CLIC4: variants seen among roughly 807,000 people sequenced by gnomAD.
CLIC4 encodes the protein chloride intracellular channel protein 4.
Under a neutral mutation model 24.6 loss-of-function variants are expected in CLIC4, and 13 were observed. The ratio of observed to expected loss-of-function variants is 0.53; its 90% CI spans 0.34 to 0.84. The LOEUF (loss-of-function observed/expected upper bound fraction) is 0.84, where lower values mean the gene tolerates loss of function less well. CLIC4 is among the 40% of genes least tolerant of loss of function. The pLI is 0.01. For missense variants in CLIC4, 227 were observed against 301.7 expected (o/e 0.75, Z 1.83); for synonymous variants, 104 against 111.3 (o/e 0.93, Z 0.41).
chr1:24,772,846 G>A (rs1639087507), intron 1 of CLIC4, among the ~76,000 whole-genome samples: 1 of 152,066 alleles, frequency 6.6e-6, no homozygotes, highest in South Asian at 2.1e-4. Context: ...AACAAATGAG[G>A]AAGATTCATT....
intron 1 of CLIC4, among the ~76,000 whole-genome samples, chr1:24,774,861 A>G (rs1027378213): frequency 2.0e-5 from 3 of 152,202 alleles, no homozygotes; most frequent in African/African-American, 7.2e-5. Context: ...ACCTGAGGTC[A>G]GGAATTCAAG....
chr1:24,827,251 G>A (rs938636901), intron 4 of CLIC4, 135 bp downstream of exon 4: 4 of 586,666 alleles, frequency 6.8e-6, no homozygotes, highest in African/African-American at 1.9e-5. Flanking sequence ...GTCTTTCAGA[G>A]TTGGTCAGAA....
intron 3 of CLIC4, among the ~76,000 whole-genome samples, chr1:24,826,247 G>A (rs1639786065): frequency 6.6e-6 from 1 of 152,172 alleles, no homozygotes; most frequent in Admixed American, 6.5e-5. Context: ...TTTTGTTGTT[G>A]TTCGGTGCTA....
chr1:24,797,924 A>G, intron 2 of CLIC4, 73 bp downstream of exon 2: 1 of 975,246 alleles, frequency 1.0e-6, no homozygotes, highest in Non-Finnish European at 1.6e-6. Context: ...TTTCACCTTG[A>G]TGGCACATAT....
intron 1 of CLIC4, among the ~76,000 whole-genome samples, chr1:24,760,266 T>C (rs1220917339): frequency 6.6e-6 from 1 of 151,880 alleles, no homozygotes; most frequent in Non-Finnish European, 1.5e-5. Context: ...CTTGGGAGGC[T>C]GAGGCAGGAG....
Position 24,814,216 on chromosome 1 carries a change from C to G in CLIC4, c.305C>G (p.Pro102Arg). The change falls in exon 3 of 6, where the codon CCC becomes CGC. Residue 102 changes from proline to arginine, a missense_variant. Coordinates refer to ENST00000374379, the MANE Select transcript of CLIC4 (RefSeq NM_013943.3). ...TTTCTTGAAGAAGTCTTATGCCCTC[C>G]CAAGTGAGTATCAAGGAAAATACGT... ...EEFLEEVLCP[P>R]KYLKLSPKHP... 1 of 1,610,722 alleles carries G rather than the reference C, an allele frequency of 6.2e-7. No homozygotes were observed. The highest frequency in any genetic ancestry group is 8.5e-7 in the Non-Finnish European group (1 of 1,179,074).
chr1:24,814,871 T>A (rs553930649), intron 3 of CLIC4, among the ~76,000 whole-genome samples: 1 of 152,368 alleles, frequency 6.6e-6, no homozygotes, highest in South Asian at 2.1e-4. Context: ...TCCTGAAAAT[T>A]GACATGTTTT....
rs941276693 is a variant in CLIC4, at chr1:24,767,855, T to A, written c.72+22230T>A. 6.3e-4 allele frequency among the ~76,000 whole-genome samples: 96 copies of A among 151,378 alleles called. 1 individual carries two copies. The highest frequency in any genetic ancestry group is 3.4e-3 in the Middle Eastern group (1 of 294). ...TAATTAAAATTATATATATATATAT[T>A]TTTTTTGGCATGGAGTTCCGCTCTG... On this transcript the variant is annotated intron_variant, in intron 1 of 5. Transcript: ENST00000374379.
intron 1 of CLIC4, among the ~76,000 whole-genome samples, chr1:24,796,091 A>G (rs763855130): frequency 2.6e-5 from 4 of 152,252 alleles, no homozygotes; most frequent in Non-Finnish European, 5.9e-5. Context: ...ATATGTGGCT[A>G]TTTAAATTAT....
intron 1 of CLIC4, among the ~76,000 whole-genome samples, chr1:24,767,024 T>TAAAAAAAAAAAAAAAAAAAAAAAAGAA (rs1639008651): frequency 1.4e-5 from 1 of 71,124 alleles, no homozygotes; most frequent in African/African-American, 7.1e-5. Flanking sequence ...GCTGATGAGC[T>TAAAAAAAAAAAAAAAAAAAAAAAAGAA]AAAAAAAAAA....
intron 4 of CLIC4, among the ~76,000 whole-genome samples, chr1:24,839,538 A>G (rs2124179161): frequency 6.6e-6 from 1 of 152,280 alleles, no homozygotes; most frequent in East Asian, 1.9e-4. Flanking sequence ...TGACCTCGTG[A>G]TCTGCCTGCC....
Position 24,814,075 on chromosome 1 carries a change from C to T in CLIC4, c.183-19C>T, listed in dbSNP as rs764233904. The T allele has an allele frequency of 1.2e-6, 2 of 1,612,658 alleles. No homozygotes were observed. Among genetic ancestry groups the T allele is most frequent in the Non-Finnish European group, 8.5e-7 (1 of 1,179,846 alleles). On this transcript the variant is annotated intron_variant, in intron 2 of 5. Transcript: ENST00000374379. ...AGAGTAAAAAATGATCTGATTTTGA[C>T]CAATATTTTGCCCAACAGGAAGCCA...
chr1:24,751,780 C>T (rs1264872067), intron 1 of CLIC4, among the ~76,000 whole-genome samples: 2 of 152,238 alleles, frequency 1.3e-5, no homozygotes, highest in African/African-American at 4.8e-5. Flanking sequence ...AGGAGAATCA[C>T]TTGAACCCGG....
At chr1:24,830,161 A>G (rs1260874418) in intron 4 of CLIC4, among the ~76,000 whole-genome samples, 1 of 152,202 alleles carries the variant, frequency 6.6e-6, no homozygotes, top group East Asian at 1.9e-4. Context: ...GATTGTTGAA[A>G]AAGTTAAAAT....
intron 2 of CLIC4, among the ~76,000 whole-genome samples, chr1:24,808,247 A>G (rs1336351599): frequency 6.6e-6 from 1 of 152,148 alleles, no homozygotes; most frequent in Non-Finnish European, 1.5e-5. Flanking sequence ...TGCCCGGTCT[A>G]CAGTCATCTC....
intron 4 of CLIC4, among the ~76,000 whole-genome samples, chr1:24,827,728 G>C (rs1639801391): frequency 6.6e-6 from 1 of 152,026 alleles, no homozygotes; most frequent in South Asian, 2.1e-4. Flanking sequence ...TGTTTAGGTA[G>C]TACAGATGCA....
intron 4 of CLIC4, among the ~76,000 whole-genome samples, chr1:24,831,324 A>G (rs1015270305): frequency 1.3e-5 from 2 of 152,156 alleles, no homozygotes; most frequent in African/African-American, 4.8e-5. Flanking sequence ...TGGCCTCCCA[A>G]AGTGCTGAGA....
chr1:24,748,073 A>G (rs1198682965), intron 1 of CLIC4, among the ~76,000 whole-genome samples: 2 of 152,054 alleles, frequency 1.3e-5, no homozygotes, highest in African/African-American at 4.8e-5. Flanking sequence ...GGCTCTATTC[A>G]GTATTCTATT....
rs1052355019 is a variant in CLIC4, at chr1:24,819,435, A to G, written c.308+5216A>G. Among the ~76,000 whole-genome samples, 161 of 152,046 alleles carry G rather than the reference A, an allele frequency of 1.1e-3. 3 individuals are homozygous for G. Among genetic ancestry groups the G allele is most frequent in the Non-Finnish European group, 2.5e-4 (17 of 68,004 alleles). The stretch of plus-strand genomic sequence containing the variant: ...TGAACATGAATTCAACTTAGTGGAA[A>G]TAACTTTTTTTTTTTTTTTGAGACG... On this transcript the variant is annotated intron_variant, in intron 3 of 5. Coordinates refer to ENST00000374379, the MANE Select transcript of CLIC4 (RefSeq NM_013943.3).
Sources: allele counts gnomAD v4.1 joint callset (sites outside exome capture counted in the v4.1 genomes callset), GRCh38; gene constraint gnomAD v4.1.1; transcripts MANE v1.5; gene names NCBI Gene and HGNC (gene_info 2026-07-23, HGNC 2026-07-21).